Variants in PNPLA7 observed in about 807,000 individuals in gnomAD.
PNPLA7 encodes the protein patatin like domain 7, lysophospholipase.
A neutral mutation model predicts 161.7 loss-of-function variants in PNPLA7; 153 were observed. The ratio of observed to expected loss-of-function variants is 0.95; its 90% CI spans 0.83 to 1.08. PNPLA7 has a LOEUF of 1.08. PNPLA7 is among the 50% of genes least tolerant of loss of function. PNPLA7 has a pLI of 0.00. For missense variants in PNPLA7, 1,739 were observed against 1,856.6 expected (o/e 0.94, Z 1.16); for synonymous variants, 809 against 782.1 (o/e 1.03, Z -0.57).
Position 137,486,560 on chromosome 9 carries a change from G to A in PNPLA7, c.2198-1824C>T, listed in dbSNP as rs1485318058. ...AATGATGCTGCCCATCCCACATCCC[G>A]AATGAGTGTCCAAGACTCACACAGC... On this transcript the variant is annotated intron_variant, in intron 20 of 34. Transcript: ENST00000406427. The surrounding 1 kb of genome is among the most constrained non-coding windows in gnomAD (Gnocchi z 6.0). Among the ~76,000 whole-genome samples the A allele has an allele frequency of 1.3e-5, 2 of 152,042 alleles. No individual in the cohort carries two copies. The highest frequency in any genetic ancestry group is 2.4e-5 in the African/African-American group (1 of 41,396).
At chr9:137,518,784 C>T (rs1477055804) in intron 11 of PNPLA7, among the ~76,000 whole-genome samples, 26 of 52,870 alleles carry the variant, frequency 4.9e-4, no homozygotes, top group African/African-American at 1.8e-3. Flanking sequence ...ACTCCATCCC[C>T]CACTCACTCA....
intron 22 of PNPLA7, 177 bp from the exon 23 acceptor site, chr9:137,480,657 G>A (rs531584507): frequency 1.3e-5 from 10 of 769,940 alleles, no homozygotes; most frequent in South Asian, 7.5e-5. Context: ...AGGCAGTCAC[G>A]CAGAGGCTGC....
At chr9:137,518,049 C>A (rs1834721353) in intron 11 of PNPLA7, among the ~76,000 whole-genome samples, 1 of 119,988 alleles carries the variant, frequency 8.3e-6, no homozygotes, top group Non-Finnish European at 1.7e-5. Context: ...CTCCATCCCC[C>A]ACTCACTCAC....
At chr9:137,481,085 G>T (rs1333080935) in intron 21 of PNPLA7, 62 bp from the exon 22 acceptor site, 1 of 1,516,550 alleles carries the variant, frequency 6.6e-7, no homozygotes, top group Non-Finnish European at 9.0e-7. Context: ...CGCCAACAAG[G>T]CACCGACACC....
At chr9:137,516,142 G>C (rs1342862936) in intron 11 of PNPLA7, among the ~76,000 whole-genome samples, 1 of 62,050 alleles carries the variant, frequency 1.6e-5, no homozygotes, top group Non-Finnish European at 2.9e-5. Flanking sequence ...GCCCCATTCC[G>C]AGGCCTTGCT....
intron 12 of PNPLA7, among the ~76,000 whole-genome samples, chr9:137,514,907 G>C (rs918776554): frequency 1.3e-5 from 2 of 151,964 alleles, no homozygotes; most frequent in African/African-American, 4.8e-5. Context: ...TGATGTGCCC[G>C]GGCCCTGTGG....
chr9:137,509,802 C>T (rs777218532), intron 12 of PNPLA7: 1 of 450,436 alleles, frequency 2.2e-6, no homozygotes, highest in Non-Finnish European at 4.5e-6. Flanking sequence ...AGGCAAGAGA[C>T]AGAGGACACG....
Position 137,541,877 on chromosome 9 carries a change from A to ACTCAAGCGATCCTCCCACC in PNPLA7, c.666+746_666+764dup, listed in dbSNP as rs1836226239. 6.6e-6 allele frequency among the ~76,000 whole-genome samples: 1 copy of ACTCAAGCGATCCTCCCACC among 151,620 alleles called. No individual in the cohort carries two copies. The highest frequency in any genetic ancestry group is 2.4e-5 in the African/African-American group (1 of 41,244). Reference sequence around the variant, plus strand: ...GCTCACTATAGCCGCAACCTCCCAGACTCAAGCGATCCTCCCACCTCAGCC... The same window carrying ACTCAAGCGATCCTCCCACC: ...GCTCACTATAGCCGCAACCTCCCAGACTCAAGCGATCCTCCCACCCTCAAGCGATCCTCCCACCTCAGCC... On this transcript the variant is annotated intron_variant, in intron 7 of 34. Transcript: ENST00000406427. This position sits in a 1 kb window ranked among gnomAD's most constrained non-coding sequence, Gnocchi z 4.4.
At chr9:137,480,526 C>A (rs754035679) in intron 22 of PNPLA7, 46 bp from the exon 23 acceptor site, 2 of 1,554,764 alleles carry the variant, frequency 1.3e-6, no homozygotes, top group Admixed American at 1.9e-5. Context: ...AGGGGCCTGG[C>A]ACTCTTAGCA....
chr9:137,500,568 A>C lies in PNPLA7; in HGVS notation c.1757+123T>G, dbSNP rs1286974699. 1.1e-6 allele frequency: 1 copy of C among 932,336 alleles called. No individual in the cohort carries two copies. 57.8% of individuals were successfully genotyped at this position (932,336 alleles called of 1,614,324 possible). The stretch of plus-strand genomic sequence containing the variant: ...GGGCCCACACAGGTGCCGGGGACAA[A>C]GAGGGGAGCCCGAGAAGCAGGGAAG... On this transcript the variant is annotated intron_variant, in intron 16 of 34. Transcript: ENST00000406427. The surrounding 1 kb of genome is among the most constrained non-coding windows in gnomAD (Gnocchi z 5.5).
At chr9:137,548,011 C>T (rs186356560) in intron 1 of PNPLA7, among the ~76,000 whole-genome samples, 1 of 152,284 alleles carries the variant, frequency 6.6e-6, no homozygotes, top group Admixed American at 6.5e-5. Flanking sequence ...GTCGCCTCAG[C>T]CCCAGCAGGA....
intron 11 of PNPLA7, 105 bp from the exon 12 acceptor site, chr9:137,515,624 C>A (rs531548278): frequency 4.5e-6 from 6 of 1,344,236 alleles, no homozygotes; most frequent in Non-Finnish European, 4.9e-6. Context: ...CAGTGCCCTG[C>A]GCACCTGAAC....
chr9:137,509,207 G>A (rs1186016636), intron 12 of PNPLA7: 1 of 154,844 alleles, frequency 6.5e-6, no homozygotes, highest in Non-Finnish European at 1.5e-5. Context: ...TGGTATGAGT[G>A]AGTTTAGCGG....
intron 29 of PNPLA7, 26 bp downstream of exon 29, chr9:137,463,389 C>G (rs771485683): frequency 1.3e-6 from 2 of 1,571,106 alleles, no homozygotes; most frequent in Admixed American, 1.8e-5. Context: ...GTGCTCCTGC[C>G]GGGCGTGGTC....
At chr9:137,503,791 T>G (rs111216796) in intron 14 of PNPLA7, among the ~76,000 whole-genome samples, 6 of 2,004 alleles carry the variant, frequency 3.0e-3, no homozygotes, top group African/African-American at 0.023. Context: ...AAGAAGAGAA[T>G]GAAGAAGAAG....
At chr9:137,513,017 C>T (rs779399084) in intron 12 of PNPLA7, among the ~76,000 whole-genome samples, 30 of 150,344 alleles carry the variant, frequency 2.0e-4, no homozygotes, top group Non-Finnish European at 3.7e-4. Context: ...GATTCAGATA[C>T]CTGATGCCCG....
At chr9:137,491,581 A>G in intron 20 of PNPLA7, 6 of 985,438 alleles carry the variant, frequency 6.1e-6, no homozygotes, top group Non-Finnish European at 7.2e-6. Context: ...ATTACGTGTT[A>G]GTGTCCCCCC....
chr9:137,460,544 G>A (rs564045672), intron 34 of PNPLA7, 68 bp from the exon 35 acceptor site: 46 of 1,597,094 alleles, frequency 2.9e-5, no homozygotes, highest in Non-Finnish European at 3.6e-5. Context: ...CTGGTAACCC[G>A]GTGGGACCAC....
chr9:137,529,287 G>C (rs1013923943), intron 8 of PNPLA7, among the ~76,000 whole-genome samples: 2 of 152,178 alleles, frequency 1.3e-5, no homozygotes, highest in Admixed American at 6.5e-5. Flanking sequence ...GAGTCACTTC[G>C]CCCAGGCCAA....
Sources: gnomAD v4.1 joint callset for allele counts (sites outside exome capture counted in the v4.1 genomes callset) on GRCh38, gnomAD v4.1.1 for gene constraint, Gnocchi (gnomAD v3.1) non-coding constraint, MANE v1.5 for transcripts, NCBI Gene and HGNC (gene_info 2026-07-23, HGNC 2026-07-21) for gene names.